Variants in GOLGA8B observed in about 807,000 individuals in gnomAD.
GOLGA8B encodes golgin subfamily A member 8B.
Under a neutral mutation model 15.6 loss-of-function variants are expected in GOLGA8B, and 1 was observed. The observed-to-expected ratio is 0.06, with a 90% CI of 0.02 to 0.30. The LOEUF (loss-of-function observed/expected upper bound fraction) is 0.30. GOLGA8B is among the 10% of genes least tolerant of loss of function. The pLI, the probability that GOLGA8B is intolerant of heterozygous loss-of-function variation, is 1.00. For synonymous variants in GOLGA8B, 9 were observed against 80.3 expected (o/e 0.11, Z 4.75); for missense variants, 17 against 201.3 (o/e 0.08, Z 5.54).
chr15:34,575,154 C>T (rs975213178), intron 1 of GOLGA8B, among the ~76,000 whole-genome samples: 8 of 151,864 alleles, frequency 5.3e-5, no homozygotes. Flanking sequence ...ACTAGCAAGG[C>T]TGGGACTTGG....
chr15:34,563,548 G>T (rs1202001294), intron 1 of GOLGA8B, among the ~76,000 whole-genome samples: 11 of 149,054 alleles, frequency 7.4e-5, no homozygotes, highest in African/African-American at 2.7e-4. Context: ...TCTTCTCTTG[G>T]TAACCCCATC....
chr15:34,578,900 A>G (rs6495687), intron 1 of GOLGA8B, among the ~76,000 whole-genome samples: 55,407 of 151,914 alleles, frequency 0.36, 10,542 homozygotes, highest in Admixed American at 0.46. Context: ...ACAGCCCTTT[A>G]GAGTTTATGA....
intron 1 of GOLGA8B, among the ~76,000 whole-genome samples, chr15:34,581,077 T>C (rs1889216840): frequency 6.6e-6 from 1 of 152,224 alleles, no homozygotes; most frequent in Non-Finnish European, 1.5e-5. Context: ...CACCCAGTGA[T>C]GTGTGCAGGG....
intron 1 of GOLGA8B, among the ~76,000 whole-genome samples, chr15:34,570,004 T>C (rs75944723): frequency 6.7e-6 from 1 of 150,044 alleles, no homozygotes; most frequent in Non-Finnish European, 1.5e-5. Context: ...TCCACCTCCA[T>C]GGACCCTTTG....
chr15:34,578,417 A>G (rs566175155), intron 1 of GOLGA8B, among the ~76,000 whole-genome samples: 19 of 152,290 alleles, frequency 1.2e-4, no homozygotes, highest in Admixed American at 7.2e-4. Flanking sequence ...ACCAATGGTC[A>G]TAAGTCCTAG....
chr15:34,576,313 G>C (rs1379141384), intron 1 of GOLGA8B, among the ~76,000 whole-genome samples: 1 of 152,210 alleles, frequency 6.6e-6, no homozygotes, highest in Non-Finnish European at 1.5e-5. Flanking sequence ...TGCTGATTAA[G>C]CACAGGCACG....
At chr15:34,569,284 C>T (rs1381817368) in intron 1 of GOLGA8B, among the ~76,000 whole-genome samples, 1 of 146,084 alleles carries the variant, frequency 6.8e-6, no homozygotes, top group Non-Finnish European at 1.5e-5. Flanking sequence ...GGATGCCTAG[C>T]AGATGGGAAG....
intron 1 of GOLGA8B, among the ~76,000 whole-genome samples, chr15:34,582,513 GT>G (rs1383509393): frequency 6.6e-6 from 1 of 152,240 alleles, no homozygotes; most frequent in Non-Finnish European, 1.5e-5. Flanking sequence ...CCGCATGCCC[GT>G]TTAAGAGCTG....
At position 34,526,041 on chromosome 15, in the gene GOLGA8B, G is replaced by A. The variant is rs1894433679; in HGVS notation, c.*1591C>T. 6.7e-6 allele frequency: 1 copy of A among 149,548 alleles called. No individual in the cohort carries two copies. The highest frequency in any genetic ancestry group is 6.8e-5 in the Admixed American group (1 of 14,686). The allele number at this position is 149,548 out of a possible 1,614,324, so 9.3% of individuals were successfully genotyped here. ...ATCATCAAGTTATGATTTAGGCAAT[G>A]TATGATTGAAATGCATTCACTCATC... is the stretch of plus-strand genomic sequence containing the variant. On this transcript the variant is annotated 3_prime_UTR_variant, in exon 24 of 24. Transcript: ENST00000683415.
chr15:34,572,977 C>T (rs538035855), intron 1 of GOLGA8B, among the ~76,000 whole-genome samples: 1 of 152,308 alleles, frequency 6.6e-6, no homozygotes, highest in South Asian at 2.1e-4. Flanking sequence ...AAGCCAGGTA[C>T]AGTGGCATGT....
intron 1 of GOLGA8B, chr15:34,581,617 T>TA (rs1889237940): frequency 1.3e-5 from 2 of 152,150 alleles, no homozygotes; most frequent in Non-Finnish European, 2.9e-5. Context: ...GAAGGTTATG[T>TA]AAACAAGTTA....
rs551175941 is a variant in GOLGA8B, at chr15:34,576,086, G to A, written c.-1123+7430C>T. ...GTGAGACCTACCAGGTTAGCGTCCC[G>A]CACCCCTTTGTTTCCACTATTAGAT... is the stretch of plus-strand genomic sequence containing the variant. On this transcript the variant is annotated intron_variant, in intron 1 of 23. Coordinates refer to ENST00000683415, the MANE Select transcript of GOLGA8B (RefSeq NM_001023567.5). Among the ~76,000 whole-genome samples the A allele has an allele frequency of 5.3e-5, 8 of 152,238 alleles. No homozygotes were observed. The South Asian group carries it at 6.2e-4, about 12-fold the overall frequency.
At chr15:34,578,763 G>A (rs1472367129) in intron 1 of GOLGA8B, among the ~76,000 whole-genome samples, 1 of 152,138 alleles carries the variant, frequency 6.6e-6, no homozygotes, top group East Asian at 1.9e-4. Context: ...GAGTGTTTCC[G>A]TTTCCAGACA....
intron 1 of GOLGA8B, among the ~76,000 whole-genome samples, chr15:34,578,433 C>T (rs1043725892): frequency 3.9e-5 from 6 of 152,144 alleles, no homozygotes; most frequent in Non-Finnish European, 7.3e-5. Flanking sequence ...CCTAGTCATG[C>T]CCACCCCGTT....
intron 1 of GOLGA8B, among the ~76,000 whole-genome samples, chr15:34,561,051 G>T (rs1888612633): frequency 6.8e-6 from 1 of 146,616 alleles, no homozygotes; most frequent in African/African-American, 2.5e-5. Flanking sequence ...GTGGCACCTG[G>T]TATGTGAGGC....
intron 1 of GOLGA8B, among the ~76,000 whole-genome samples, chr15:34,579,683 G>A (rs1889177411): frequency 1.3e-5 from 2 of 152,184 alleles, no homozygotes; most frequent in South Asian, 2.1e-4. Flanking sequence ...ATTCTAGGAG[G>A]ATCCAAAGGT....
At chr15:34,580,388 T>C (rs535258933) in intron 1 of GOLGA8B, among the ~76,000 whole-genome samples, 7 of 152,282 alleles carry the variant, frequency 4.6e-5, no homozygotes, top group South Asian at 2.1e-4. Context: ...TGTGTCACCA[T>C]TGGGCCTGGG....
chr15:34,553,936 T>C lies in GOLGA8B; in HGVS notation c.-1102A>G, dbSNP rs998029922. On this transcript the variant is annotated 5_prime_UTR_variant, in exon 2 of 24. Coordinates refer to ENST00000683415, the MANE Select transcript of GOLGA8B (RefSeq NM_001023567.5). Reference sequence around the variant, plus strand: ...TCTGGAGCTGAGCAGGTATTCTTTTTCTTTCTTCATCTCAGTAGAGCTGTT... The same window carrying C: ...TCTGGAGCTGAGCAGGTATTCTTTTCCTTTCTTCATCTCAGTAGAGCTGTT... 3 of 38,738 alleles carry C rather than the reference T, an allele frequency of 7.7e-5. No homozygotes were observed. The highest frequency in any genetic ancestry group is 3.3e-4 in the African/African-American group (3 of 8,964). 2.4% of individuals were successfully genotyped at this position (38,738 alleles called of 1,614,324 possible). A position where few individuals can be genotyped will look rare whatever the true frequency, so the allele number is the denominator to read the frequency against.
At chr15:34,578,405 C>A (rs547950049) in intron 1 of GOLGA8B, among the ~76,000 whole-genome samples, 2 of 152,262 alleles carry the variant, frequency 1.3e-5, no homozygotes, top group East Asian at 3.9e-4. Flanking sequence ...CTGTACTTGC[C>A]CACCAATGGT....
Sources: allele counts gnomAD v4.1 joint callset (sites outside exome capture counted in the v4.1 genomes callset), GRCh38; gene constraint gnomAD v4.1.1; transcripts MANE v1.5; gene names NCBI Gene and HGNC (gene_info 2026-07-23, HGNC 2026-07-21).